SORBS2: variants seen among roughly 807,000 people sequenced by gnomAD.
The protein encoded by SORBS2 is sorbin and SH3 domain-containing protein 2.
Under a neutral mutation model 97.7 loss-of-function variants are expected in SORBS2, and 46 were observed. The observed-to-expected ratio is 0.47, with a 90% confidence interval of 0.37 to 0.60. The LOEUF is 0.60. SORBS2 is among the 20% of genes least tolerant of loss of function. The pLI is 0.00. For synonymous variants in SORBS2, 476 were observed against 473.4 expected, an observed-to-expected ratio of 1.01 and a Z score of -0.07; for missense variants, 1,316 against 1,282.3, an observed-to-expected ratio of 1.03 and a Z score of -0.40.
intron 4 of SORBS2, among the ~76,000 whole-genome samples, chr4:185,669,003 A>T (rs2097665585): frequency 6.6e-6 from 1 of 152,248 alleles, no homozygotes; most frequent in Admixed American, 6.5e-5. Flanking sequence ...TCATATACCA[A>T]GAGAGAGCAC....
At chr4:185,874,961 T>G (rs2099232648) in intron 1 of SORBS2, among the ~76,000 whole-genome samples, 1 of 151,906 alleles carries the variant, frequency 6.6e-6, no homozygotes, top group Non-Finnish European at 1.5e-5. Flanking sequence ...ATTTTTATTA[T>G]GGAATATCTG....
At chr4:185,762,955 G>C (rs2098909405) in intron 2 of SORBS2, among the ~76,000 whole-genome samples, 1 of 152,176 alleles carries the variant, frequency 6.6e-6, no homozygotes. Context: ...TTGGGAGGCT[G>C]AAGCGGGTGG....
rs530858390 is a variant in SORBS2, at chr4:185,726,653, A to T, written c.-197-47831T>A. Among the ~76,000 whole-genome samples the T allele has an allele frequency of 4.0e-5, 6 of 151,412 alleles. No homozygotes were observed. In the East Asian group the frequency reaches 1.2e-3, roughly 29 times the overall value. On this transcript the variant is annotated intron_variant, in intron 2 of 20. Transcript: ENST00000284776. ...TTATATATATAATATATTTTGTTAC[A>T]CCACTAGACTTGGCTTGAATGAACC...
intron 7 of SORBS2, among the ~76,000 whole-genome samples, chr4:185,620,494 C>G (rs535203693): frequency 1.3e-3 from 196 of 152,120 alleles, no homozygotes; most frequent in African/African-American, 4.5e-3. Flanking sequence ...GTTTCTATGC[C>G]TTTGCTTCTT....
chr4:185,606,423 G>A lies in SORBS2; in HGVS notation c.2796+5357C>T. 3.1e-6 allele frequency: 3 copies of A among 968,456 alleles called. No individual in the cohort carries two copies. The highest frequency in any genetic ancestry group is 3.7e-6 in the Non-Finnish European group (3 of 814,684). 60.0% of individuals were successfully genotyped at this position (968,456 alleles called of 1,614,324 possible). On this transcript the variant is annotated intron_variant, in intron 12 of 14. Transcript: ENST00000418609. This position sits in a 1 kb window ranked among gnomAD's most constrained non-coding sequence, Gnocchi z 4.3. ...TTTACATCATTTAATTAAATATGGTGTGTTTTCATATACCCACTCCACCCC... is the reference window on the plus strand; with the variant it reads ...TTTACATCATTTAATTAAATATGGTATGTTTTCATATACCCACTCCACCCC...
rs190125145 is a variant in SORBS2, at chr4:185,756,642, A to G, written c.-198+18585T>C. On this transcript the variant is annotated intron_variant, in intron 2 of 20. Coordinates refer to the SORBS2 transcript ENST00000284776. ...AGTAACATCCAGGGATGGATCCTGAAGCGGGCTTCCATTTTTTTTTGGCAT... is the reference window on the plus strand; with the variant it reads ...AGTAACATCCAGGGATGGATCCTGAGGCGGGCTTCCATTTTTTTTTGGCAT... Among the ~76,000 whole-genome samples the G allele has an allele frequency of 2.0e-5, 3 of 152,148 alleles. No individual in the cohort carries two copies. In the East Asian group the frequency reaches 5.8e-4, roughly 29 times the overall value.
intron 4 of SORBS2, among the ~76,000 whole-genome samples, chr4:185,665,495 C>T (rs1036335497): frequency 4.6e-5 from 7 of 152,074 alleles, no homozygotes; most frequent in Non-Finnish European, 8.8e-5. Flanking sequence ...CACGGGAAAC[C>T]GTAAGTAACT....
chr4:185,612,105 T>C, intron 11 of SORBS2, 125 bp from the exon 24 acceptor site: 1 of 681,836 alleles, frequency 1.5e-6, no homozygotes, highest in South Asian at 1.9e-5. Flanking sequence ...CAGTTTTTGT[T>C]TAATCAGGGG....
intron 1 of SORBS2, among the ~76,000 whole-genome samples, chr4:185,946,527 C>T (rs930015182): frequency 6.6e-6 from 1 of 152,194 alleles, no homozygotes; most frequent in Non-Finnish European, 1.5e-5. Flanking sequence ...CAATATATGA[C>T]ATTTCTTGCC....
intron 9 of SORBS2, among the ~76,000 whole-genome samples, chr4:185,615,974 A>C (rs1198010867): frequency 6.6e-6 from 1 of 152,224 alleles, no homozygotes; most frequent in East Asian, 1.9e-4. Context: ...TATCACCTTC[A>C]CTACATCAAT....
At chr4:185,759,485 G>A (rs2098851833) in intron 2 of SORBS2, among the ~76,000 whole-genome samples, 1 of 152,140 alleles carries the variant, frequency 6.6e-6, no homozygotes, top group Non-Finnish European at 1.5e-5. Context: ...AAAGGATATT[G>A]CATATTTAAC....
chr4:185,672,976 T>C (rs541074953), intron 4 of SORBS2, among the ~76,000 whole-genome samples: 26 of 152,228 alleles, frequency 1.7e-4, no homozygotes, highest in Middle Eastern at 6.8e-3. Context: ...CAAATGTCCA[T>C]TGATGGACAA....
At chr4:185,854,530 C>T (rs908091581) in intron 1 of SORBS2, among the ~76,000 whole-genome samples, 2 of 152,146 alleles carry the variant, frequency 1.3e-5, no homozygotes, top group Admixed American at 6.5e-5. Flanking sequence ...TGTTTTCTTT[C>T]AGTCGCTTAG....
At chr4:185,781,467 C>A (rs2099028356) in intron 1 of SORBS2, among the ~76,000 whole-genome samples, 1 of 152,238 alleles carries the variant, frequency 6.6e-6, no homozygotes, top group African/African-American at 2.4e-5. Flanking sequence ...ATCTCCACCA[C>A]CTTCCTCCCA....
chr4:185,703,325 G>A (rs2098292907), intron 2 of SORBS2, among the ~76,000 whole-genome samples: 1 of 152,116 alleles, frequency 6.6e-6, no homozygotes, highest in Non-Finnish European at 1.5e-5. Context: ...TACATTGGAG[G>A]TAACAAGAAT....
At chr4:185,656,902 GA>G in exon 1 of SORBS2, 1 of 1,252,180 alleles carries the variant, frequency 8.0e-7, no homozygotes, top group Non-Finnish European at 1.0e-6. Flanking sequence ...TTTTTCTTCA[GA>G]CAGCTTTTCC....
chr4:185,769,148 A>G (rs2098954884), intron 2 of SORBS2, among the ~76,000 whole-genome samples: 1 of 152,042 alleles, frequency 6.6e-6, no homozygotes, highest in Non-Finnish European at 1.5e-5. Flanking sequence ...CTGGAGATGC[A>G]TTTTGGATTT....
chr4:185,705,410 G>A (rs1583112461), intron 2 of SORBS2, among the ~76,000 whole-genome samples: 1 of 152,010 alleles, frequency 6.6e-6, no homozygotes, highest in African/African-American at 2.4e-5. Flanking sequence ...GCTGGGTGTG[G>A]TGGTGCGCAC....
chr4:185,626,704 C>T (rs1346013613), intron 6 of SORBS2, 128 bp downstream of exon 18: 2 of 913,750 alleles, frequency 2.2e-6, no homozygotes, highest in Non-Finnish European at 3.4e-6. Flanking sequence ...TGTTCTAAAA[C>T]TATATTTTAT....
Sources: allele counts gnomAD v4.1 joint callset (sites outside exome capture counted in the v4.1 genomes callset), GRCh38; gene constraint gnomAD v4.1.1; non-coding constraint Gnocchi (gnomAD v3.1); transcripts MANE v1.5; gene names NCBI Gene and HGNC (gene_info 2026-07-23, HGNC 2026-07-21).